The following KDM1A variants were observed in gnomAD, a reference collection of about 807,000 sequenced individuals.
KDM1A encodes the protein lysine-specific histone demethylase 1A.
A neutral mutation model predicts 109.4 loss-of-function variants in KDM1A; 49 were observed. That is an observed-to-expected ratio of 0.45 (90% CI 0.36 to 0.57). The LOEUF (loss-of-function observed/expected upper bound fraction) is 0.57. KDM1A is among the 20% of genes least tolerant of loss of function. The pLI, the probability that KDM1A is intolerant of heterozygous loss-of-function variation, is 0.00. For synonymous variants in KDM1A, 380 were observed against 415.4 expected (o/e 0.91, Z 1.04); for missense variants, 668 against 1,116.6 (o/e 0.60, Z 5.73).
intron 2 of KDM1A, among the ~76,000 whole-genome samples, chr1:23,042,662 C>T (rs768709015): frequency 1.4e-4 from 21 of 150,866 alleles, no homozygotes; most frequent in East Asian, 3.9e-4. Context: ...CCGTTTTAGC[C>T]GGGATGGTCT....
intron 4 of KDM1A, 133 bp downstream of exon 4, chr1:23,050,653 C>A: frequency 1.4e-6 from 1 of 692,416 alleles, no homozygotes; most frequent in South Asian, 4.6e-5. Flanking sequence ...CCAGAGATAA[C>A]CTTTGTTAAT....
intron 9 of KDM1A, among the ~76,000 whole-genome samples, chr1:23,063,148 G>A (rs1312967605): frequency 2.2e-5 from 3 of 137,732 alleles, no homozygotes; most frequent in Non-Finnish European, 4.7e-5. Context: ...TTCTTTTTTT[G>A]GAGTAATGAA....
chr1:23,075,837 C>T (rs1180735736), intron 15 of KDM1A, among the ~76,000 whole-genome samples: 1 of 151,686 alleles, frequency 6.6e-6, no homozygotes, highest in Non-Finnish European at 1.5e-5. Flanking sequence ...GTCTCAGCTG[C>T]TTGGGAGACT....
Position 23,027,780 on chromosome 1 carries a change from A to G in KDM1A, c.352-2689A>G, listed in dbSNP as rs574827693. On this transcript the variant is annotated intron_variant, in intron 1 of 20. Transcript: ENST00000400181. ...TCAGGATGCTCTCAGTTGAACAGAC[A>G]TGGCAGAAGAAACTTCATTCTGAAG... is the stretch of plus-strand genomic sequence containing the variant. Among the ~76,000 whole-genome samples, 28 of 150,192 alleles carry G rather than the reference A, an allele frequency of 1.9e-4. No individual in the cohort carries two copies. The South Asian group carries it at 5.5e-3, about 29-fold the overall frequency.
At chr1:23,048,408 G>T (rs1354847707) in intron 3 of KDM1A, among the ~76,000 whole-genome samples, 1 of 151,714 alleles carries the variant, frequency 6.6e-6, no homozygotes, top group Non-Finnish European at 1.5e-5. Flanking sequence ...CCTACAATAT[G>T]GCTTTTACTA....
intron 2 of KDM1A, among the ~76,000 whole-genome samples, chr1:23,044,030 G>A (rs1228549013): frequency 6.6e-6 from 1 of 152,206 alleles, no homozygotes; most frequent in African/African-American, 2.4e-5. Flanking sequence ...CGGATATTAA[G>A]TTGATGCTGA....
chr1:23,053,539 C>T (rs1472730011), intron 4 of KDM1A, among the ~76,000 whole-genome samples: 7 of 152,102 alleles, frequency 4.6e-5, no homozygotes, highest in Non-Finnish European at 8.8e-5. Flanking sequence ...GCATGTGCCA[C>T]CATACCCAGC....
chr1:23,058,421 C>T (rs1281070265), intron 8 of KDM1A, among the ~76,000 whole-genome samples: 1 of 152,170 alleles, frequency 6.6e-6, no homozygotes, highest in Non-Finnish European at 1.5e-5. Context: ...GTACAAAGAA[C>T]CCCACTAATT....
intron 9 of KDM1A, among the ~76,000 whole-genome samples, chr1:23,065,210 T>C (rs1315428428): frequency 6.6e-6 from 1 of 152,212 alleles, no homozygotes; most frequent in Non-Finnish European, 1.5e-5. Flanking sequence ...TCCATAATAA[T>C]TTGTAGAACT....
At chr1:23,068,811 C>A in intron 11 of KDM1A, 130 bp downstream of exon 11, 1 of 782,518 alleles carries the variant, frequency 1.3e-6, no homozygotes, top group Non-Finnish European at 1.9e-6. Flanking sequence ...CCATTGAATC[C>A]AAAGTTAAAA....
intron 20 of KDM1A, 144 bp from the exon 21 acceptor site, chr1:23,083,035 G>A (rs377127965): frequency 4.5e-5 from 31 of 689,158 alleles, no homozygotes; most frequent in South Asian, 4.0e-4. Flanking sequence ...ACTGATAAGG[G>A]AGACTCTTCG....
At chr1:23,026,223 G>T (rs1261445291) in intron 1 of KDM1A, among the ~76,000 whole-genome samples, 1 of 152,074 alleles carries the variant, frequency 6.6e-6, no homozygotes, top group Admixed American at 6.6e-5. Context: ...AATTAATCTG[G>T]CAGCTTTGCC....
chr1:23,035,906 GA>G (rs945033515), intron 2 of KDM1A, among the ~76,000 whole-genome samples: 4 of 151,584 alleles, frequency 2.6e-5, no homozygotes, highest in South Asian at 2.1e-4. Flanking sequence ...TACTTTAAAA[GA>G]AAAAAAATAA....
chr1:23,034,032 T>C (rs374919035), intron 2 of KDM1A, among the ~76,000 whole-genome samples: 7 of 152,354 alleles, frequency 4.6e-5, no homozygotes, highest in African/African-American at 1.4e-4. Context: ...ATTGCACTTA[T>C]ATAATTGGAA....
At position 23,039,101 on chromosome 1, in the gene KDM1A, A is replaced by G. The variant is rs1011485053; in HGVS notation, c.518-5326A>G. On this transcript the variant is annotated intron_variant, in intron 2 of 20. Coordinates refer to ENST00000400181, the MANE Select transcript of KDM1A (RefSeq NM_001009999.3). ...CTGAGCCTATTATTACTTCCATGCTATTTTGAAGTCTTTTAGCCCCATTCT... is the reference window on the plus strand; with the variant it reads ...CTGAGCCTATTATTACTTCCATGCTGTTTTGAAGTCTTTTAGCCCCATTCT... Among the ~76,000 whole-genome samples, 14 of 152,284 alleles carry G rather than the reference A, an allele frequency of 9.2e-5. No homozygotes were observed. The East Asian group carries it at 1.9e-3, about 21-fold the overall frequency.
At chr1:23,037,363 A>G (rs902866002) in intron 2 of KDM1A, among the ~76,000 whole-genome samples, 1 of 152,070 alleles carries the variant, frequency 6.6e-6, no homozygotes. Flanking sequence ...GTAAGTAGCT[A>G]CAATGAAGAA....
intron 3 of KDM1A, among the ~76,000 whole-genome samples, chr1:23,046,716 A>G (rs1239935365): frequency 6.6e-6 from 1 of 152,168 alleles, no homozygotes; most frequent in South Asian, 2.1e-4. Flanking sequence ...GTATTCAGAG[A>G]AAGTATAAGC....
At chr1:23,028,116 G>A (rs1641866442) in intron 1 of KDM1A, among the ~76,000 whole-genome samples, 1 of 152,110 alleles carries the variant, frequency 6.6e-6, no homozygotes, top group African/African-American at 2.4e-5. Context: ...AAACAATGTT[G>A]AAAAGATTGT....
chr1:23,076,101 TG>T (rs1643456703), intron 15 of KDM1A, among the ~76,000 whole-genome samples: 1 of 152,226 alleles, frequency 6.6e-6, no homozygotes, highest in African/African-American at 2.4e-5. Flanking sequence ...TTCTAGTCAT[TG>T]ATTTATCATT....
Sources: gnomAD v4.1 joint callset for allele counts (sites outside exome capture counted in the v4.1 genomes callset) on GRCh38, gnomAD v4.1.1 for gene constraint, MANE v1.5 for transcripts, NCBI Gene and HGNC (gene_info 2026-07-23, HGNC 2026-07-21) for gene names.